Variants in EPHA7 observed in about 807,000 individuals in gnomAD.
EPHA7 encodes the protein ephrin type-A receptor 7.
EPHA7 carries 25 observed loss-of-function variants against 112.6 expected under a neutral mutation model. The ratio of observed to expected loss-of-function variants is 0.22; its 90% CI spans 0.16 to 0.31. EPHA7 has a LOEUF of 0.31. Ranked by LOEUF, EPHA7 falls within the 10% of genes least tolerant of loss-of-function variation. The pLI is 1.00. For missense variants in EPHA7, 962 were observed against 1,212.6 expected (o/e 0.79, Z 3.07); for synonymous variants, 437 against 406.5 (o/e 1.07, Z -0.90).
chr6:93,343,926 G>C (rs1023978887), intron 5 of EPHA7, among the ~76,000 whole-genome samples: 3 of 151,556 alleles, frequency 2.0e-5, no homozygotes, highest in Admixed American at 1.3e-4. Flanking sequence ...TCTGTTCTTT[G>C]TTTATATAAT....
chr6:93,356,764 C>A lies in EPHA7; in HGVS notation c.1277G>T (p.Arg426Leu), dbSNP rs542602078. ...GACAGCAGCAAAGAGCCTCTGGGAT[C>A]GGCTTAAGTCAGAAACTCCATTTAC... ...EAVNGVSDLS[R>L]SQRLFAAVSI... The change falls in exon 5 of 17, where the codon CGA (arginine) becomes CTA (leucine). Residue 426 changes from arginine (R) to leucine (L), a missense_variant. By Grantham distance (102) the Arg-to-Leu change is moderately radical (BLOSUM62 -2). Transcript: ENST00000369303. 5 of 1,613,804 alleles carry A rather than the reference C, an allele frequency of 3.1e-6. No homozygotes were observed. Among genetic ancestry groups the A allele is most frequent in the Non-Finnish European group, 4.2e-6 (5 of 1,179,836 alleles).
At chr6:93,324,095 A>C (rs532297294) in intron 5 of EPHA7, among the ~76,000 whole-genome samples, 1 of 151,586 alleles carries the variant, frequency 6.6e-6, no homozygotes, top group African/African-American at 2.4e-5. Flanking sequence ...CACCTAAGGC[A>C]GAAGTATTGC....
chr6:93,274,418 C>A (rs1771373174), intron 5 of EPHA7, among the ~76,000 whole-genome samples: 1 of 151,784 alleles, frequency 6.6e-6, no homozygotes, highest in South Asian at 2.1e-4. Context: ...AAATTACATT[C>A]ATTATTTCCA....
chr6:93,303,683 T>A (rs1773108654), intron 5 of EPHA7, among the ~76,000 whole-genome samples: 1 of 152,162 alleles, frequency 6.6e-6, no homozygotes, highest in Non-Finnish European at 1.5e-5. Flanking sequence ...ATTAAATTAA[T>A]TAAGCTTTTA....
chr6:93,380,513 A>G (rs1777284367), intron 3 of EPHA7, among the ~76,000 whole-genome samples: 1 of 152,142 alleles, frequency 6.6e-6, no homozygotes, highest in Non-Finnish European at 1.5e-5. Flanking sequence ...TTTCGTGAAT[A>G]TTCTCCATCA....
At chr6:93,309,710 A>G (rs904238017) in intron 5 of EPHA7, among the ~76,000 whole-genome samples, 4 of 152,148 alleles carry the variant, frequency 2.6e-5, no homozygotes, top group Admixed American at 2.6e-4. Flanking sequence ...ATATTTTATC[A>G]TAAAACATTC....
chr6:93,339,896 T>C (rs151053012), intron 5 of EPHA7, among the ~76,000 whole-genome samples: 168 of 151,874 alleles, frequency 1.1e-3, no homozygotes, highest in Non-Finnish European at 2.2e-3. Context: ...TACTATACAA[T>C]GTACAAATAA....
chr6:93,243,424 T>TGG lies in EPHA7; in HGVS notation c.*1_*2insCC. On this transcript the variant is annotated 3_prime_UTR_variant, in exon 17 of 17. Coordinates refer to ENST00000369303, the MANE Select transcript of EPHA7 (RefSeq NM_004440.4). Reference sequence around the variant, plus strand: ...ATCTCCCTTAAAAGGGAGAAATGCATATCACACTTGAATGCCAGTTCCATG... The same window carrying TGG: ...ATCTCCCTTAAAAGGGAGAAATGCATGGATCACACTTGAATGCCAGTTCCATG... 1.2e-6 allele frequency: 2 copies of TGG among 1,606,520 alleles called. No individual in the cohort carries two copies. The highest frequency in any genetic ancestry group is 1.7e-6 in the Non-Finnish European group (2 of 1,173,358).
chr6:93,299,694 T>C (rs1046472174), intron 5 of EPHA7, among the ~76,000 whole-genome samples: 1 of 152,146 alleles, frequency 6.6e-6, no homozygotes, highest in African/African-American at 2.4e-5. Flanking sequence ...TGCAGCACTA[T>C]TCACAATAGC....
At chr6:93,372,561 G>A (rs1776854941) in intron 3 of EPHA7, among the ~76,000 whole-genome samples, 1 of 152,084 alleles carries the variant, frequency 6.6e-6, no homozygotes, top group Admixed American at 6.5e-5. Context: ...AGTGTTGAAT[G>A]CTATAAAATA....
At chr6:93,308,128 T>C (rs548519772) in intron 5 of EPHA7, among the ~76,000 whole-genome samples, 2 of 152,306 alleles carry the variant, frequency 1.3e-5, no homozygotes, top group East Asian at 1.9e-4. Flanking sequence ...ATATTCTTTG[T>C]ATCTCATGAG....
chr6:93,322,051 G>T (rs1335411898), intron 5 of EPHA7, among the ~76,000 whole-genome samples: 1 of 151,622 alleles, frequency 6.6e-6, no homozygotes, highest in African/African-American at 2.4e-5. Flanking sequence ...AATGAATAAT[G>T]AATGTAAAAA....
intron 5 of EPHA7, among the ~76,000 whole-genome samples, chr6:93,281,688 T>C (rs1246442824): frequency 6.6e-6 from 1 of 152,132 alleles, no homozygotes; most frequent in Non-Finnish European, 1.5e-5. Context: ...GAACTTTTTT[T>C]TAAATAAAGA....
chr6:93,257,591 C>T (rs946275697), intron 11 of EPHA7, 68 bp from the exon 12 acceptor site: 2 of 958,872 alleles, frequency 2.1e-6, no homozygotes, highest in African/African-American at 3.3e-5. Flanking sequence ...TTTCTCATCC[C>T]CCAATAAAAC....
chr6:93,262,267 C>G (rs374538659), intron 9 of EPHA7, among the ~76,000 whole-genome samples: 1 of 151,358 alleles, frequency 6.6e-6, no homozygotes. Flanking sequence ...TCTCTATTTC[C>G]TCTAGCTATA....
chr6:93,375,553 A>C (rs1480021183), intron 3 of EPHA7, among the ~76,000 whole-genome samples: 1 of 151,798 alleles, frequency 6.6e-6, no homozygotes, highest in Non-Finnish European at 1.5e-5. Flanking sequence ...GGGACACAGA[A>C]GTTACAGTGA....
At chr6:93,312,075 A>G (rs1773571002) in intron 5 of EPHA7, among the ~76,000 whole-genome samples, 1 of 152,204 alleles carries the variant, frequency 6.6e-6, no homozygotes, top group African/African-American at 2.4e-5. Flanking sequence ...ACACAGACAG[A>G]GTAAATTTAA....
At chr6:93,256,486 G>C (rs919389857) in intron 12 of EPHA7, among the ~76,000 whole-genome samples, 1 of 152,002 alleles carries the variant, frequency 6.6e-6, no homozygotes, top group African/African-American at 2.4e-5. Context: ...AAATATTTGA[G>C]GCAAAATGAA....
intron 14 of EPHA7, among the ~76,000 whole-genome samples, chr6:93,250,204 A>T (rs1770142472): frequency 6.6e-6 from 1 of 152,144 alleles, no homozygotes; most frequent in Non-Finnish European, 1.5e-5. Context: ...CTTATAGAGC[A>T]GTTTGGCATA....
Sources: gnomAD v4.1 joint callset for allele counts (sites outside exome capture counted in the v4.1 genomes callset) on GRCh38, gnomAD v4.1.1 for gene constraint, MANE v1.5 for transcripts, NCBI Gene and HGNC (gene_info 2026-07-23, HGNC 2026-07-21) for gene names.